The following NXPE2 variants were observed in gnomAD, a reference collection of about 807,000 sequenced individuals.
NXPE2 encodes the protein neurexophilin and PC-esterase domain family member 2.
NXPE2 carries 34 observed loss-of-function variants against 34.4 expected under a neutral mutation model. The ratio of observed to expected loss-of-function variants is 0.99; its 90% CI spans 0.75 to 1.31. The LOEUF is 1.31. Ranked by LOEUF, NXPE2 falls within the 40% of genes most tolerant of loss-of-function variation. NXPE2 has a pLI of 0.00. For synonymous variants in NXPE2, 235 were observed against 231.3 expected, an observed-to-expected ratio of 1.02 and a Z score of -0.15; for missense variants, 649 against 672.5, an observed-to-expected ratio of 0.97 and a Z score of 0.39.
chr11:114,547,105 A>C, the NXPE2 span, among the ~76,000 whole-genome samples: 1 of 152,134 alleles, frequency 6.6e-6, no homozygotes, highest in Non-Finnish European at 1.5e-5. Flanking sequence ...TGACCTAGTG[A>C]CCTCTTTTGA....
chr11:114,542,141 G>A, the NXPE2 span, among the ~76,000 whole-genome samples: 1 of 151,964 alleles, frequency 6.6e-6, no homozygotes, highest in Non-Finnish European at 1.5e-5. Flanking sequence ...TCCTTATGTA[G>A]CATCTCACTT....
the NXPE2 span, among the ~76,000 whole-genome samples, chr11:114,729,718 T>C: frequency 3.3e-5 from 5 of 152,174 alleles, no homozygotes; most frequent in Non-Finnish European, 7.4e-5. Flanking sequence ...CAGAAGTGCA[T>C]GTTCATGTTT....
chr11:114,472,162 C>T, the NXPE2 span, among the ~76,000 whole-genome samples: 24 of 152,210 alleles, frequency 1.6e-4, no homozygotes, highest in Non-Finnish European at 3.2e-4. Flanking sequence ...GCACACGTTC[C>T]TCTGGGCTGA....
At chr11:114,808,072 A>G in the NXPE2 span, among the ~76,000 whole-genome samples, 4 of 152,238 alleles carry the variant, frequency 2.6e-5, no homozygotes, top group Admixed American at 6.5e-5. Flanking sequence ...TGGAAACTGA[A>G]CAACCTGCTC....
chr11:114,648,083 G>A, the NXPE2 span, among the ~76,000 whole-genome samples: 2 of 152,070 alleles, frequency 1.3e-5, no homozygotes, highest in Non-Finnish European at 2.9e-5. Flanking sequence ...TCTTTGCCCT[G>A]GTTCCTGAGA....
the NXPE2 span, among the ~76,000 whole-genome samples, chr11:114,665,813 C>A: frequency 1.3e-5 from 2 of 152,170 alleles, no homozygotes; most frequent in South Asian, 4.1e-4. Flanking sequence ...CCCTTCCTAT[C>A]ACATTACTGT....
At chr11:114,619,488 G>C in the NXPE2 span, among the ~76,000 whole-genome samples, 1 of 135,864 alleles carries the variant, frequency 7.4e-6, no homozygotes, top group African/African-American at 2.9e-5. Context: ...ACCCAGTGGA[G>C]GATAAGTGTT....
chr11:114,686,075 G>C (rs936785044), intron 2 of NXPE2, among the ~76,000 whole-genome samples: 1 of 151,692 alleles, frequency 6.6e-6, no homozygotes, highest in Non-Finnish European at 1.5e-5. Context: ...CTCCGTAAAG[G>C]GTACATGAGA....
chr11:114,694,004 G>A (rs1951202143), intron 2 of NXPE2, among the ~76,000 whole-genome samples: 4 of 152,168 alleles, frequency 2.6e-5, no homozygotes. Flanking sequence ...AACTCTAGAG[G>A]AGAATATGTT....
the NXPE2 span, among the ~76,000 whole-genome samples, chr11:114,751,797 T>G: frequency 3.5e-3 from 527 of 152,300 alleles, 3 homozygotes; most frequent in Admixed American, 0.019. Context: ...GAGATCATCC[T>G]AAATTATCCA....
chr11:114,582,692 C>T, the NXPE2 span: 1 of 1,614,146 alleles, frequency 6.2e-7, no homozygotes, highest in South Asian at 1.1e-5. Context: ...CTGGGGAAGA[C>T]ATCCTGGCCC....
At chr11:114,654,361 T>TA in the NXPE2 span, among the ~76,000 whole-genome samples, 83 of 148,342 alleles carry the variant, frequency 5.6e-4, 1 homozygote, top group Non-Finnish European at 1.0e-3. Flanking sequence ...TTATTTCTTC[T>TA]AAAAAAAAAA....
the NXPE2 span, among the ~76,000 whole-genome samples, chr11:114,808,145 C>T: frequency 7.2e-5 from 11 of 152,214 alleles, no homozygotes; most frequent in South Asian, 2.1e-4. Context: ...TTGAAACCAA[C>T]GAGGACAAAG....
At chr11:114,638,973 G>C in the NXPE2 span, among the ~76,000 whole-genome samples, 1 of 152,022 alleles carries the variant, frequency 6.6e-6, no homozygotes, top group Admixed American at 6.6e-5. Flanking sequence ...CTGTGAGCTG[G>C]GAGAACCACT....
chr11:114,757,210 A>ATT, the NXPE2 span, among the ~76,000 whole-genome samples: 1 of 152,000 alleles, frequency 6.6e-6, no homozygotes, highest in South Asian at 2.1e-4. Context: ...ACTCAGTAGA[A>ATT]TTTAGTTTTC....
the NXPE2 span, among the ~76,000 whole-genome samples, chr11:114,649,968 TA>T: frequency 6.6e-6 from 1 of 152,212 alleles, no homozygotes; most frequent in Non-Finnish European, 1.5e-5. Flanking sequence ...ATATTATATG[TA>T]AAATATGCAT....
At chr11:114,660,850 A>G in the NXPE2 span, among the ~76,000 whole-genome samples, 3 of 152,174 alleles carry the variant, frequency 2.0e-5, no homozygotes, top group African/African-American at 4.8e-5. Flanking sequence ...AAAATTCCAA[A>G]GAATCTACAT....
chr11:114,703,667 TA>T (rs1357844199), intron 3 of NXPE2, among the ~76,000 whole-genome samples: 151 of 20,498 alleles, frequency 7.4e-3, no homozygotes, highest in Admixed American at 0.057. Flanking sequence ...GATAGATAGA[TA>T]GATAGATAGA....
intron 2 of NXPE2, among the ~76,000 whole-genome samples, chr11:114,690,790 T>G (rs2135547825): frequency 6.6e-6 from 1 of 152,240 alleles, no homozygotes; most frequent in Middle Eastern, 3.4e-3. Context: ...TTTTTAAAAA[T>G]TATTTTTATT....
Sources: gnomAD v4.1 joint callset for allele counts (sites outside exome capture counted in the v4.1 genomes callset) on GRCh38, gnomAD v4.1.1 for gene constraint, MANE v1.5 for transcripts, NCBI Gene and HGNC (gene_info 2026-07-23, HGNC 2026-07-21) for gene names.